The following PDE4B variants were observed in gnomAD, a reference collection of about 807,000 sequenced individuals.
The protein encoded by PDE4B is 3',5'-cyclic-AMP phosphodiesterase 4B.
PDE4B carries 20 observed loss-of-function variants against 82.2 expected under a neutral mutation model. That is an observed-to-expected ratio of 0.24 (90% CI 0.17 to 0.35). The LOEUF (loss-of-function observed/expected upper bound fraction) is 0.35, where lower values mean the gene tolerates loss of function less well. PDE4B is among the 10% of genes least tolerant of loss of function. PDE4B has a pLI of 1.00. For missense variants in PDE4B, 655 were observed against 907.2 expected (o/e 0.72, Z 3.57); for synonymous variants, 320 against 318.9 (o/e 1.00, Z -0.04).
chr1:66,162,898 T>G (rs1263484669), intron 3 of PDE4B, among the ~76,000 whole-genome samples: 1 of 152,194 alleles, frequency 6.6e-6, no homozygotes, highest in African/African-American at 2.4e-5. Context: ...TCAATTGTGT[T>G]TTTGACTGTA....
chr1:66,325,036 A>G (rs1659646796), intron 7 of PDE4B, among the ~76,000 whole-genome samples: 1 of 152,218 alleles, frequency 6.6e-6, no homozygotes, highest in African/African-American at 2.4e-5. Flanking sequence ...AGTAGCCTCA[A>G]CCTAACACCT....
intron 3 of PDE4B, among the ~76,000 whole-genome samples, chr1:65,953,938 G>T (rs548143134): frequency 2.0e-5 from 3 of 152,094 alleles, no homozygotes; most frequent in Admixed American, 2.0e-4. Context: ...TCGCTCTGTT[G>T]CCTAGGCTGG....
chr1:66,295,835 G>C (rs772484766), intron 7 of PDE4B, among the ~76,000 whole-genome samples: 3 of 152,128 alleles, frequency 2.0e-5, no homozygotes, highest in Non-Finnish European at 2.9e-5. Context: ...CCTCTCTGCA[G>C]CACCCTCTAA....
intron 3 of PDE4B, among the ~76,000 whole-genome samples, chr1:66,113,025 G>A (rs1054981341): frequency 3.3e-5 from 5 of 152,120 alleles, no homozygotes; most frequent in African/African-American, 1.2e-4. Context: ...TTTCTCTCTT[G>A]GTGTAGAGTT....
intron 8 of PDE4B, among the ~76,000 whole-genome samples, chr1:66,334,796 C>A (rs934028570): frequency 2.6e-5 from 4 of 152,200 alleles, no homozygotes; most frequent in African/African-American, 9.7e-5. Flanking sequence ...ATAACATGCA[C>A]CATGACACAT....
chr1:66,153,761 T>C (rs1275640364), intron 3 of PDE4B, among the ~76,000 whole-genome samples: 6 of 152,174 alleles, frequency 3.9e-5, no homozygotes, highest in Non-Finnish European at 7.3e-5. Context: ...AGTATCTCCT[T>C]ACCTCAATAC....
chr1:66,366,375 C>T (rs1254773272), intron 13 of PDE4B, among the ~76,000 whole-genome samples: 1 of 152,142 alleles, frequency 6.6e-6, no homozygotes, highest in East Asian at 1.9e-4. Flanking sequence ...ATACTCAAAG[C>T]TTTTGTCATG....
intron 3 of PDE4B, among the ~76,000 whole-genome samples, chr1:66,154,787 C>G (rs1646470941): frequency 6.6e-6 from 1 of 152,200 alleles, no homozygotes; most frequent in African/African-American, 2.4e-5. Context: ...TGCCTTTGCT[C>G]AAGGAATATG....
chr1:66,159,750 T>G (rs1646573316), intron 3 of PDE4B, among the ~76,000 whole-genome samples: 1 of 151,798 alleles, frequency 6.6e-6, no homozygotes, highest in Non-Finnish European at 1.5e-5. Context: ...TTCCCTGTCT[T>G]TATAGGCCAT....
intron 1 of PDE4B, among the ~76,000 whole-genome samples, chr1:65,810,914 G>T (rs777428421): frequency 3.3e-5 from 5 of 152,060 alleles, no homozygotes; most frequent in Non-Finnish European, 5.9e-5. Flanking sequence ...CTTCGAATAC[G>T]TTAGGGTTTC....
chr1:66,109,169 G>C (rs1645432089), intron 3 of PDE4B, among the ~76,000 whole-genome samples: 1 of 151,896 alleles, frequency 6.6e-6, no homozygotes, highest in Non-Finnish European at 1.5e-5. Context: ...ATCTAAAATA[G>C]ACCAACAGAT....
chr1:66,206,784 T>C (rs987982163), intron 3 of PDE4B, among the ~76,000 whole-genome samples: 1 of 152,180 alleles, frequency 6.6e-6, no homozygotes, highest in African/African-American at 2.4e-5. Context: ...GACATCATTA[T>C]GTGTGGAAGT....
intron 3 of PDE4B, among the ~76,000 whole-genome samples, chr1:66,216,077 G>C (rs549618306): frequency 6.6e-6 from 1 of 152,226 alleles, no homozygotes; most frequent in East Asian, 1.9e-4. Context: ...TTGATTTTAT[G>C]TGTCAATTGA....
intron 7 of PDE4B, among the ~76,000 whole-genome samples, chr1:66,329,545 T>C (rs1659964392): frequency 1.3e-5 from 2 of 152,206 alleles, no homozygotes; most frequent in African/African-American, 4.8e-5. Context: ...TTATTGAATG[T>C]GCAATTCAGC....
chr1:66,115,922 CCTT>C (rs1477286768), intron 3 of PDE4B, among the ~76,000 whole-genome samples: 3 of 152,272 alleles, frequency 2.0e-5, no homozygotes, highest in South Asian at 2.1e-4. Context: ...ACGTAATCCT[CCTT>C]CTTTCTTTAT....
intron 1 of PDE4B, among the ~76,000 whole-genome samples, chr1:65,824,678 C>CAA (rs531031967): frequency 7.2e-4 from 109 of 150,858 alleles, no homozygotes; most frequent in African/African-American, 2.5e-3. Flanking sequence ...TATATACACA[C>CAA]AATTCATAAA....
chr1:66,147,182 G>T (rs1018182884), intron 3 of PDE4B, among the ~76,000 whole-genome samples: 2 of 152,202 alleles, frequency 1.3e-5, no homozygotes, highest in African/African-American at 4.8e-5. Context: ...ATGAGACTGT[G>T]ACCTTTGTCA....
intron 3 of PDE4B, among the ~76,000 whole-genome samples, chr1:65,940,462 TA>T (rs964859027): frequency 2.6e-5 from 4 of 152,152 alleles, no homozygotes; most frequent in African/African-American, 9.7e-5. Context: ...TATTTGACTT[TA>T]AAAAAATAAT....
intron 6 of PDE4B, among the ~76,000 whole-genome samples, chr1:66,259,201 C>T (rs1314366056): frequency 6.6e-6 from 1 of 152,134 alleles, no homozygotes; most frequent in African/African-American, 2.4e-5. Context: ...TTAGTACATA[C>T]CATCCATTCA....
Sources: gnomAD v4.1 joint callset for allele counts (sites outside exome capture counted in the v4.1 genomes callset) on GRCh38, gnomAD v4.1.1 for gene constraint, MANE v1.5 for transcripts, NCBI Gene and HGNC (gene_info 2026-07-23, HGNC 2026-07-21) for gene names.